The following CHD7 variants were observed in gnomAD, a reference collection of about 807,000 sequenced individuals.
CHD7 encodes the protein ATP-dependent chromatin remodeler CHD7.
Under a neutral mutation model 307.3 loss-of-function variants are expected in CHD7, and 24 were observed. The ratio of observed to expected loss-of-function variants is 0.08; its 90% CI spans 0.06 to 0.11. The LOEUF is 0.11. CHD7 is among the 10% of genes least tolerant of loss of function. CHD7 has a pLI of 1.00. For missense variants in CHD7, 3,106 were observed against 3,727.1 expected, an observed-to-expected ratio of 0.83 and a Z score of 4.34; for synonymous variants, 1,363 against 1,349.9, an observed-to-expected ratio of 1.01 and a Z score of -0.21.
chr8:60,804,859 T>C (rs548782532), intron 6 of CHD7, among the ~76,000 whole-genome samples: 27 of 152,320 alleles, frequency 1.8e-4, no homozygotes, highest in African/African-American at 6.5e-4. Flanking sequence ...GGGACAAGTA[T>C]GGCTTAATAT....
intron 13 of CHD7, chr8:60,825,345 A>C (rs894062502): frequency 3.9e-4 from 60 of 152,344 alleles, no homozygotes; most frequent in African/African-American, 1.4e-3. Context: ...GAATTATCCT[A>C]TTTAGGGTGG....
intron 1 of CHD7, among the ~76,000 whole-genome samples, chr8:60,683,713 A>G (rs1188198795): frequency 2.0e-5 from 3 of 152,170 alleles, no homozygotes; most frequent in Non-Finnish European, 4.4e-5. Context: ...TCTCAGTTAC[A>G]GTTGTGTTCC....
intron 2 of CHD7, among the ~76,000 whole-genome samples, chr8:60,758,379 C>G (rs1325135149): frequency 6.6e-6 from 1 of 152,162 alleles, no homozygotes; most frequent in South Asian, 2.1e-4. Flanking sequence ...ACCCCTTGGC[C>G]TTCCTGAGTG....
intron 2 of CHD7, among the ~76,000 whole-genome samples, chr8:60,753,542 A>G (rs947988289): frequency 6.6e-6 from 1 of 151,972 alleles, no homozygotes; most frequent in Non-Finnish European, 1.5e-5. Context: ...GAAGAAAACA[A>G]ACAACAACAG....
chr8:60,740,209 G>A (rs1808923477), intron 1 of CHD7, among the ~76,000 whole-genome samples: 1 of 152,250 alleles, frequency 6.6e-6, no homozygotes, highest in South Asian at 2.1e-4. Flanking sequence ...GAACACAAGT[G>A]CCTGCCAACT....
At position 60,806,189 on chromosome 8, in the gene CHD7, C is replaced by T. The variant is rs532644209; in HGVS notation, c.2443-2028C>T. ...CATCCTGTCTAACACGGTGAAACCC[C>T]GTCTCTACTAAAAATACAAAAAAAA... On this transcript the variant is annotated intron_variant, in intron 6 of 37. Transcript: ENST00000423902. 2.3e-4 allele frequency among the ~76,000 whole-genome samples: 35 copies of T among 152,140 alleles called. No homozygotes were observed. In the South Asian group the frequency reaches 6.2e-3, roughly 27 times the overall value.
chr8:60,715,915 C>T (rs566762923), intron 1 of CHD7, among the ~76,000 whole-genome samples: 25 of 152,182 alleles, frequency 1.6e-4, no homozygotes, highest in Admixed American at 5.2e-4. Flanking sequence ...TGTCTTCCTT[C>T]GTGAAAGGTG....
chr8:60,684,023 C>T (rs1805757433), intron 1 of CHD7, among the ~76,000 whole-genome samples: 1 of 151,966 alleles, frequency 6.6e-6, no homozygotes, highest in South Asian at 2.1e-4. Flanking sequence ...AGCTAGATTC[C>T]TGTTGCATTT....
intron 3 of CHD7, among the ~76,000 whole-genome samples, chr8:60,792,057 G>T (rs1418281486): frequency 6.6e-6 from 1 of 152,168 alleles, no homozygotes; most frequent in Non-Finnish European, 1.5e-5. Context: ...AATCTTGGAA[G>T]ACTGTATAAA....
At chr8:60,689,110 GA>G (rs1806065950) in intron 1 of CHD7, among the ~76,000 whole-genome samples, 1 of 152,158 alleles carries the variant, frequency 6.6e-6, no homozygotes, top group South Asian at 2.1e-4. Context: ...ATGGAGTATA[GA>G]CAATTTTCAT....
intron 1 of CHD7, among the ~76,000 whole-genome samples, chr8:60,700,009 T>C (rs979803502): frequency 6.6e-6 from 1 of 151,946 alleles, no homozygotes; most frequent in Non-Finnish European, 1.5e-5. Context: ...TTTGTATTTT[T>C]AGTAGGGAGG....
intron 6 of CHD7, among the ~76,000 whole-genome samples, chr8:60,805,634 A>C (rs1354684579): frequency 6.6e-6 from 1 of 152,098 alleles, no homozygotes; most frequent in East Asian, 1.9e-4. Context: ...ACAAAATAAA[A>C]AGTGTCTTTA....
intron 2 of CHD7, 151 bp from the exon 3 acceptor site, chr8:60,780,849 G>C: frequency 1.0e-6 from 1 of 982,880 alleles, no homozygotes; most frequent in Non-Finnish European, 1.3e-6. Flanking sequence ...TTGGATGAGA[G>C]AAGCTGATAG....
At chr8:60,682,518 C>T (rs1805682374) in intron 1 of CHD7, among the ~76,000 whole-genome samples, 1 of 152,192 alleles carries the variant, frequency 6.6e-6, no homozygotes, top group African/African-American at 2.4e-5. Flanking sequence ...TTCTTTCAAA[C>T]CTAAGATTAC....
intron 19 of CHD7, among the ~76,000 whole-genome samples, chr8:60,840,497 T>C (rs1287890620): frequency 2.0e-5 from 3 of 152,210 alleles, no homozygotes; most frequent in African/African-American, 7.2e-5. Flanking sequence ...CCATTGATTT[T>C]GCCTTTTGTT....
At chr8:60,819,874 A>G in intron 8 of CHD7, 133 bp from the exon 9 acceptor site, 1 of 635,588 alleles carries the variant, frequency 1.6e-6, no homozygotes, top group Non-Finnish European at 2.7e-6. Flanking sequence ...ATTTCAATTA[A>G]TATAATAGAA....
intron 1 of CHD7, among the ~76,000 whole-genome samples, chr8:60,738,678 C>T (rs1409393750): frequency 2.0e-5 from 3 of 151,924 alleles, no homozygotes; most frequent in Admixed American, 6.6e-5. Context: ...GCATAGTTGC[C>T]AGCTGGGTCT....
At chr8:60,813,156 G>T (rs1812889471) in intron 7 of CHD7, among the ~76,000 whole-genome samples, 2 of 152,040 alleles carry the variant, frequency 1.3e-5, no homozygotes, top group Non-Finnish European at 2.9e-5. Flanking sequence ...TTTTATCTTT[G>T]TTGGTATTGT....
chr8:60,746,173 A>G (rs545372783), intron 2 of CHD7, among the ~76,000 whole-genome samples: 2 of 152,262 alleles, frequency 1.3e-5, no homozygotes, highest in Non-Finnish European at 2.9e-5. Flanking sequence ...GGCTGGGACT[A>G]CAGGCGCGCA....
Sources: allele counts gnomAD v4.1 joint callset (sites outside exome capture counted in the v4.1 genomes callset), GRCh38; gene constraint gnomAD v4.1.1; transcripts MANE v1.5; gene names NCBI Gene and HGNC (gene_info 2026-07-23, HGNC 2026-07-21).